Variants in KDM4C observed in about 807,000 individuals in gnomAD.
The protein encoded by KDM4C is lysine demethylase 4C, also known as lysine-specific demethylase 4C.
A neutral mutation model predicts 129.3 loss-of-function variants in KDM4C; 81 were observed. The observed-to-expected ratio is 0.63, with a 90% confidence interval of 0.52 to 0.75. The LOEUF (loss-of-function observed/expected upper bound fraction) is 0.75, where lower values mean the gene tolerates loss of function less well. Among genes scored for constraint, KDM4C ranks in the 30% least tolerant of loss-of-function variants. The probability of loss-of-function intolerance (pLI) is 0.00; values close to 1 mark genes in which losing one functional copy is unlikely to be tolerated. For synonymous variants in KDM4C, 573 were observed against 456.1 expected, an observed-to-expected ratio of 1.26 and a Z score of -3.26; for missense variants, 1,457 against 1,304.0, an observed-to-expected ratio of 1.12 and a Z score of -1.81.
intron 17 of KDM4C, among the ~76,000 whole-genome samples, chr9:7,072,662 A>G (rs1833366406): frequency 6.6e-6 from 1 of 152,196 alleles, no homozygotes. Context: ...TTTTGTGCTG[A>G]TGGCACTGTG....
In KDM4C at chr9:7,103,715, A is replaced by G. The variant is rs1366800544; in HGVS notation, c.2455A>G (p.Arg819Gly). The G allele has an allele frequency of 6.2e-7, 1 of 1,613,660 alleles. No homozygotes were observed. The highest frequency in any genetic ancestry group is 8.5e-7 in the Non-Finnish European group (1 of 1,179,892). Residue 819 changes from arginine to glycine, a missense_variant, in exon 18 of 22, where the codon AGG (arginine) becomes GGG (glycine). Coordinates refer to ENST00000381309, the MANE Select transcript of KDM4C (RefSeq NM_015061.6). ...CATCTTCTGCAGACACCGGGTTAAG[A>G]GGGTCTCTGGAGCCTGCATCCAGTG... ...KCIFCRHRVK[R>G]VSGACIQCSY...
chr9:7,167,998 G>A (rs369583135), intron 20 of KDM4C, among the ~76,000 whole-genome samples: 5 of 152,008 alleles, frequency 3.3e-5, no homozygotes, highest in African/African-American at 1.2e-4. Flanking sequence ...CCTCGCCAAC[G>A]TGGTGCAACC....
intron 8 of KDM4C, among the ~76,000 whole-genome samples, chr9:6,917,449 C>G (rs1371658391): frequency 6.6e-6 from 1 of 152,142 alleles, no homozygotes; most frequent in African/African-American, 2.4e-5. Context: ...GTAAAGATAC[C>G]TTTGGTTTCA....
chr9:6,982,631 C>G (rs1442107910), intron 9 of KDM4C: 1 of 152,178 alleles, frequency 6.6e-6, no homozygotes, highest in East Asian at 1.9e-4. Context: ...ATTCACAGCA[C>G]TAAAGAAGCC....
intron 8 of KDM4C, among the ~76,000 whole-genome samples, chr9:6,947,365 C>G (rs1938750068): frequency 6.6e-6 from 1 of 152,012 alleles, no homozygotes; most frequent in African/African-American, 2.4e-5. Flanking sequence ...AAAATTCTTT[C>G]CTTTTTGTCC....
intron 8 of KDM4C, among the ~76,000 whole-genome samples, chr9:6,896,943 T>C (rs1816561828): frequency 6.6e-6 from 1 of 152,186 alleles, no homozygotes; most frequent in Non-Finnish European, 1.5e-5. Flanking sequence ...TACTGACCTA[T>C]TGATATGTGA....
At chr9:6,971,723 C>T (rs909488117) in intron 8 of KDM4C, among the ~76,000 whole-genome samples, 1 of 152,058 alleles carries the variant, frequency 6.6e-6, no homozygotes, top group African/African-American at 2.4e-5. Flanking sequence ...GCAGACTTCC[C>T]CCATGTAGTA....
At chr9:6,821,595 G>T (rs1225440702) in intron 4 of KDM4C, among the ~76,000 whole-genome samples, 1 of 151,754 alleles carries the variant, frequency 6.6e-6, no homozygotes, top group African/African-American at 2.4e-5. Flanking sequence ...AAATTTGTTT[G>T]AGTTCTTTGT....
chr9:6,955,658 G>A (rs1006121752), intron 8 of KDM4C, among the ~76,000 whole-genome samples: 10 of 152,138 alleles, frequency 6.6e-5, no homozygotes, highest in African/African-American at 2.4e-4. Context: ...AATTTTTTCA[G>A]CTTTTCCCTT....
At chr9:6,957,305 A>G (rs1829234886) in intron 8 of KDM4C, among the ~76,000 whole-genome samples, 1 of 152,134 alleles carries the variant, frequency 6.6e-6, no homozygotes. Flanking sequence ...CATTATAAAT[A>G]TTGTGCACTA....
At chr9:6,796,487 C>T (rs1005250832) in intron 2 of KDM4C, among the ~76,000 whole-genome samples, 1 of 152,150 alleles carries the variant, frequency 6.6e-6, no homozygotes, top group East Asian at 1.9e-4. Flanking sequence ...CTGTGTTCCA[C>T]TGAAATTAGT....
Position 6,725,711 on chromosome 9 carries a change from C to CTT in KDM4C, c.49+4729_49+4730dup, listed in dbSNP as rs201307657. ...TCTTTCTTTTCTTTTCTTTTCTTTT[C>CTT]TTTTTTTTTTTTTTTTGAGACAGAG... On this transcript the variant is annotated intron_variant, in intron 1 of 17. Coordinates refer to the KDM4C transcript ENST00000536108. Among the ~76,000 whole-genome samples the CTT allele has an allele frequency of 9.9e-3, 855 of 86,440 alleles. 11 individuals carry two copies. The highest frequency in any genetic ancestry group is 0.018 in the South Asian group (45 of 2,458). 56.7% of individuals were successfully genotyped at this position (86,440 alleles called of 152,430 possible).
chr9:7,013,660 A>T, intron 13 of KDM4C, 128 bp from the exon 14 acceptor site: 1 of 825,914 alleles, frequency 1.2e-6, no homozygotes, highest in Non-Finnish European at 1.9e-6. Context: ...TAGTTTGGTC[A>T]AGGAGAACAA....
chr9:6,931,122 A>ACC (rs1302134130), intron 8 of KDM4C, among the ~76,000 whole-genome samples: 1 of 146,090 alleles, frequency 6.8e-6, no homozygotes, highest in African/African-American at 2.6e-5. Context: ...CTCTCTTCTC[A>ACC]CCCCCCCCAC....
At chr9:7,108,366 A>G (rs1008600196) in intron 18 of KDM4C, among the ~76,000 whole-genome samples, 1 of 152,024 alleles carries the variant, frequency 6.6e-6, no homozygotes, top group Non-Finnish European at 1.5e-5. Context: ...CCTCCCAAGT[A>G]GCTGGGACTA....
intron 8 of KDM4C, among the ~76,000 whole-genome samples, chr9:6,966,402 C>T (rs188076668): frequency 0.017 from 2,573 of 152,192 alleles, 138 homozygotes; most frequent in Admixed American, 0.12. Flanking sequence ...GATCTCCTGA[C>T]CTCGTGATCC....
intron 8 of KDM4C, among the ~76,000 whole-genome samples, chr9:6,924,041 T>A (rs1822024964): frequency 6.6e-6 from 1 of 152,216 alleles, no homozygotes; most frequent in African/African-American, 2.4e-5. Context: ...TCAGGTGCCT[T>A]AGGCGAGACA....
chr9:7,039,754 T>A (rs1303686270), intron 15 of KDM4C, among the ~76,000 whole-genome samples: 1 of 152,004 alleles, frequency 6.6e-6, no homozygotes, highest in Non-Finnish European at 1.5e-5. Flanking sequence ...GAGTGGATCA[T>A]CATAAAGGTC....
chr9:7,147,681 G>A (rs1452594108), intron 19 of KDM4C, among the ~76,000 whole-genome samples: 1 of 152,222 alleles, frequency 6.6e-6, no homozygotes, highest in African/African-American at 2.4e-5. Flanking sequence ...GCAGTCATCA[G>A]GGCCGATGTT....
Sources: gnomAD v4.1 joint callset for allele counts (sites outside exome capture counted in the v4.1 genomes callset) on GRCh38, gnomAD v4.1.1 for gene constraint, MANE v1.5 for transcripts, NCBI Gene and HGNC (gene_info 2026-07-23, HGNC 2026-07-21) for gene names.